Variants in ZNF521 observed in about 807,000 individuals in gnomAD.
ZNF521 encodes the protein zinc finger protein 521.
Under a neutral mutation model 105.5 loss-of-function variants are expected in ZNF521, and 14 were observed. The observed-to-expected ratio is 0.13, with a 90% CI of 0.09 to 0.21. The LOEUF (loss-of-function observed/expected upper bound fraction) is 0.21. Ranked by LOEUF, ZNF521 falls within the 10% of genes least tolerant of loss-of-function variation. The pLI, the probability that ZNF521 is intolerant of heterozygous loss-of-function variation, is 1.00. For missense variants in ZNF521, 1,233 were observed against 1,629.7 expected, an observed-to-expected ratio of 0.76 and a Z score of 4.19; for synonymous variants, 635 against 606.0, an observed-to-expected ratio of 1.05 and a Z score of -0.70.
rs561315791 is a variant in ZNF521, at chr18:25,068,862, C to T, written c.3907-6121G>A. On this transcript the variant is annotated intron_variant, in intron 7 of 7. Coordinates refer to ENST00000361524, the MANE Select transcript of ZNF521 (RefSeq NM_015461.3). ...AAAATGCTAGAATATTGACACAAAG[C>T]GAGCTGGGCACCCCTAAGGAAAATT... 2.6e-5 allele frequency among the ~76,000 whole-genome samples: 4 copies of T among 152,240 alleles called. No homozygotes were observed. In the South Asian group the frequency reaches 6.2e-4, roughly 24 times the overall value.
At chr18:25,163,832 T>C (rs1192448316) in intron 5 of ZNF521, among the ~76,000 whole-genome samples, 1 of 152,184 alleles carries the variant, frequency 6.6e-6, no homozygotes. Context: ...GGTGTGTGTC[T>C]TTCCCTCGCG....
intron 5 of ZNF521, among the ~76,000 whole-genome samples, chr18:25,108,181 T>A (rs1185134364): frequency 1.3e-5 from 2 of 152,258 alleles, no homozygotes; most frequent in African/African-American, 4.8e-5. Context: ...TCCTTTAAAT[T>A]ACATGGCAAG....
chr18:25,132,432 G>A (rs2034657904), intron 5 of ZNF521, among the ~76,000 whole-genome samples: 2 of 152,122 alleles, frequency 1.3e-5, no homozygotes, highest in Non-Finnish European at 2.9e-5. Context: ...ATTTCAGACT[G>A]CTAGTAAAGA....
At chr18:25,094,964 G>C (rs1389908648) in intron 5 of ZNF521, among the ~76,000 whole-genome samples, 2 of 151,930 alleles carry the variant, frequency 1.3e-5, no homozygotes, top group Non-Finnish European at 2.9e-5. Context: ...TTTATAGTAA[G>C]AATTTCAAAA....
intron 5 of ZNF521, among the ~76,000 whole-genome samples, chr18:25,104,583 T>A (rs2034033649): frequency 6.6e-6 from 1 of 152,214 alleles, no homozygotes; most frequent in Non-Finnish European, 1.5e-5. Flanking sequence ...TTTCTTTGCT[T>A]CTGGAAAGCA....
chr18:25,348,123 G>T (rs1914541528), intron 2 of ZNF521, among the ~76,000 whole-genome samples: 1 of 152,124 alleles, frequency 6.6e-6, no homozygotes, highest in African/African-American at 2.4e-5. Flanking sequence ...CAACAGGACT[G>T]CCTTTCTATA....
chr18:25,247,613 C>A (rs1225249452), intron 3 of ZNF521, among the ~76,000 whole-genome samples: 2 of 152,174 alleles, frequency 1.3e-5, no homozygotes, highest in Non-Finnish European at 2.9e-5. Context: ...TCAAGTGCCA[C>A]TGGACTAGAA....
At chr18:25,152,691 C>T (rs1371542762) in intron 5 of ZNF521, among the ~76,000 whole-genome samples, 2 of 152,046 alleles carry the variant, frequency 1.3e-5, no homozygotes, top group Non-Finnish European at 2.9e-5. Context: ...GAAAAACGCC[C>T]GTTCACAGAA....
At chr18:25,118,973 C>T (rs1269829764) in intron 5 of ZNF521, among the ~76,000 whole-genome samples, 1 of 151,902 alleles carries the variant, frequency 6.6e-6, no homozygotes, top group East Asian at 1.9e-4. Flanking sequence ...GCTAGAGGGG[C>T]TATATTAATA....
intron 5 of ZNF521, among the ~76,000 whole-genome samples, chr18:25,193,503 C>T (rs556677174): frequency 3.3e-5 from 5 of 152,102 alleles, no homozygotes; most frequent in African/African-American, 9.6e-5. Flanking sequence ...AAAAGTGCAG[C>T]ATGAGGTAGA....
At chr18:25,265,720 A>G (rs574954993) in intron 3 of ZNF521, among the ~76,000 whole-genome samples, 4 of 152,250 alleles carry the variant, frequency 2.6e-5, no homozygotes, top group Non-Finnish European at 5.9e-5. Context: ...CAGTAAATCA[A>G]AGAGATAAGT....
chr18:25,295,985 T>C (rs981440802), intron 3 of ZNF521, among the ~76,000 whole-genome samples: 1 of 152,228 alleles, frequency 6.6e-6, no homozygotes, highest in Non-Finnish European at 1.5e-5. Context: ...TTGACAGATA[T>C]GAAGCCCAAG....
At chr18:25,140,112 G>A (rs1464093068) in intron 5 of ZNF521, among the ~76,000 whole-genome samples, 3 of 152,092 alleles carry the variant, frequency 2.0e-5, no homozygotes, top group African/African-American at 4.8e-5. Flanking sequence ...AAAGACACCG[G>A]GTGAAAGGAG....
chr18:25,274,840 C>T (rs1165655768), intron 3 of ZNF521, among the ~76,000 whole-genome samples: 1 of 152,032 alleles, frequency 6.6e-6, no homozygotes, highest in Non-Finnish European at 1.5e-5. Flanking sequence ...TGTTGTGGGA[C>T]TTATGGCTTG....
chr18:25,070,484 C>T (rs2033191532), intron 7 of ZNF521, among the ~76,000 whole-genome samples: 1 of 152,158 alleles, frequency 6.6e-6, no homozygotes, highest in Non-Finnish European at 1.5e-5. Flanking sequence ...CACCATTTCT[C>T]AGTCATTACA....
Position 25,225,890 on chromosome 18 carries a change from T to C in ZNF521, c.2028A>G (p.Gln676=), listed in dbSNP as rs148801410. 8.7e-6 allele frequency: 14 copies of C among 1,614,172 alleles called. No homozygotes were observed. In the Admixed American group the frequency reaches 2.3e-4, roughly 27 times the overall value. The part of the protein sequence containing the change: ...CPQCNKEFPN[Q]ESLLKHVTIH... ...TGGTAACATGCTTCAGCAAGGATTCTTGGTTGGGGAATTCCTTGTTGCACT... is the reference window on the plus strand; with the variant it reads ...TGGTAACATGCTTCAGCAAGGATTCCTGGTTGGGGAATTCCTTGTTGCACT... Residue 676 remains glutamine (Q), a synonymous_variant, in exon 4 of 8, where the codon CAA becomes CAG. Transcript: ENST00000361524. This position sits in a 1 kb window ranked among gnomAD's most constrained non-coding sequence, Gnocchi z 5.6.
intron 3 of ZNF521, among the ~76,000 whole-genome samples, chr18:25,266,995 C>G (rs891112531): frequency 1.3e-5 from 2 of 152,218 alleles, no homozygotes; most frequent in Non-Finnish European, 2.9e-5. Context: ...GGGTCCCATC[C>G]CCACAGAGCC....
chr18:25,229,025 G>C (rs536687574), intron 3 of ZNF521, among the ~76,000 whole-genome samples: 43 of 152,270 alleles, frequency 2.8e-4, no homozygotes, highest in African/African-American at 7.7e-4. Context: ...GGCTCAGTTA[G>C]AGCATTATTA....
At chr18:25,162,376 C>T (rs1349980692) in intron 5 of ZNF521, among the ~76,000 whole-genome samples, 1 of 152,066 alleles carries the variant, frequency 6.6e-6, no homozygotes, top group Admixed American at 6.5e-5. Context: ...GATGATATTT[C>T]AAATTTATTA....
Sources: allele counts gnomAD v4.1 joint callset (sites outside exome capture counted in the v4.1 genomes callset), GRCh38; gene constraint gnomAD v4.1.1; non-coding constraint Gnocchi (gnomAD v3.1); transcripts MANE v1.5; gene names NCBI Gene and HGNC (gene_info 2026-07-23, HGNC 2026-07-21).